The following ZNF804B variants were observed in gnomAD, a reference collection of about 807,000 sequenced individuals.
The protein encoded by ZNF804B is zinc finger 804B.
ZNF804B carries 80 observed loss-of-function variants against 101.4 expected under a neutral mutation model. That is an observed-to-expected ratio of 0.79 (90% CI 0.66 to 0.95). The LOEUF is 0.95. Among genes scored for constraint, ZNF804B ranks in the 40% least tolerant of loss-of-function variants. The probability of loss-of-function intolerance (pLI) is 0.00; values close to 1 mark genes in which losing one functional copy is unlikely to be tolerated. For synonymous variants in ZNF804B, 622 were observed against 558.8 expected, an observed-to-expected ratio of 1.11 and a Z score of -1.59; for missense variants, 1,673 against 1,561.9, an observed-to-expected ratio of 1.07 and a Z score of -1.20.
At chr7:89,029,338 A>G (rs1276879578) in intron 1 of ZNF804B, among the ~76,000 whole-genome samples, 3 of 152,154 alleles carry the variant, frequency 2.0e-5, no homozygotes, top group Non-Finnish European at 4.4e-5. Context: ...TCCTGACCTC[A>G]AATGATCCAC....
chr7:88,931,908 A>G (rs1262297986), intron 1 of ZNF804B, among the ~76,000 whole-genome samples: 1 of 151,876 alleles, frequency 6.6e-6, no homozygotes, highest in Non-Finnish European at 1.5e-5. Context: ...ATTTAATGCT[A>G]GTACTATTGG....
At chr7:89,306,543 G>A (rs998884671) in intron 2 of ZNF804B, among the ~76,000 whole-genome samples, 1 of 151,944 alleles carries the variant, frequency 6.6e-6, no homozygotes, top group African/African-American at 2.4e-5. Context: ...AATTATGTGA[G>A]TCTGGCCTTG....
chr7:89,031,755 T>G (rs1788839468), intron 1 of ZNF804B, among the ~76,000 whole-genome samples: 1 of 151,958 alleles, frequency 6.6e-6, no homozygotes, highest in Non-Finnish European at 1.5e-5. Flanking sequence ...TTGTCTATAC[T>G]GAGACACTCT....
intron 1 of ZNF804B, among the ~76,000 whole-genome samples, chr7:89,040,138 C>G (rs1788993681): frequency 6.6e-6 from 1 of 151,888 alleles, no homozygotes; most frequent in Admixed American, 6.6e-5. Flanking sequence ...TTAATGATAT[C>G]TCATAAATCC....
chr7:88,776,201 G>A (rs1426559101), intron 1 of ZNF804B, among the ~76,000 whole-genome samples: 1 of 152,202 alleles, frequency 6.6e-6, no homozygotes, highest in Admixed American at 6.5e-5. Flanking sequence ...GAAAGGAGCT[G>A]ATGATTACTT....
At chr7:88,810,095 T>G (rs1790760978) in intron 1 of ZNF804B, among the ~76,000 whole-genome samples, 1 of 152,176 alleles carries the variant, frequency 6.6e-6, no homozygotes, top group African/African-American at 2.4e-5. Context: ...CAATGTTCCG[T>G]GATGCTCCTC....
At chr7:88,873,567 T>G (rs1455324054) in intron 1 of ZNF804B, among the ~76,000 whole-genome samples, 1 of 152,216 alleles carries the variant, frequency 6.6e-6, no homozygotes, top group African/African-American at 2.4e-5. Flanking sequence ...TGAATGGTAA[T>G]GCCTAGGTTT....
At chr7:88,823,726 T>C (rs1483165423) in intron 1 of ZNF804B, among the ~76,000 whole-genome samples, 1 of 152,054 alleles carries the variant, frequency 6.6e-6, no homozygotes, top group African/African-American at 2.4e-5. Flanking sequence ...AAGGACAGCT[T>C]CTACTATTGG....
At chr7:88,890,136 T>TA (rs1792194140) in intron 1 of ZNF804B, among the ~76,000 whole-genome samples, 1 of 152,160 alleles carries the variant, frequency 6.6e-6, no homozygotes, top group Admixed American at 6.6e-5. Context: ...AGACAGTAGA[T>TA]ATCTATAATT....
intron 1 of ZNF804B, among the ~76,000 whole-genome samples, chr7:88,859,617 T>G (rs573970471): frequency 2.0e-5 from 3 of 152,140 alleles, no homozygotes; most frequent in South Asian, 4.1e-4. Context: ...TCTGACAACT[T>G]AAATCTAACA....
intron 1 of ZNF804B, among the ~76,000 whole-genome samples, chr7:89,036,869 G>A (rs965051063): frequency 6.6e-6 from 1 of 152,054 alleles, no homozygotes; most frequent in African/African-American, 2.4e-5. Context: ...GGTAAGGTCT[G>A]TATGCTTAAA....
At chr7:89,020,554 T>C (rs1788650878) in intron 1 of ZNF804B, among the ~76,000 whole-genome samples, 1 of 152,170 alleles carries the variant, frequency 6.6e-6, no homozygotes, top group Non-Finnish European at 1.5e-5. Context: ...TCTGTTTGGC[T>C]TAAATCTATT....
intron 1 of ZNF804B, among the ~76,000 whole-genome samples, chr7:88,785,635 G>C (rs571883664): frequency 1.2e-3 from 178 of 152,154 alleles, no homozygotes; most frequent in African/African-American, 4.2e-3. Context: ...CCCATACCTT[G>C]CTATCCAGCC....
chr7:89,173,616 AT>A (rs753772345), intron 1 of ZNF804B, among the ~76,000 whole-genome samples: 1 of 152,072 alleles, frequency 6.6e-6, no homozygotes, highest in Non-Finnish European at 1.5e-5. Context: ...TGAATAAAAT[AT>A]TGTCACAGGC....
rs765322586 is a variant in ZNF804B at position 88,965,895 on chromosome 7, GACAA to G, written c.108+205816_108+205819del. 1.3e-3 allele frequency among the ~76,000 whole-genome samples: 203 copies of G among 151,488 alleles called. No individual in the cohort carries two copies. In the Middle Eastern group the frequency reaches 0.014, roughly 10 times the overall value. On this transcript the variant is annotated intron_variant, in intron 1 of 3. Transcript: ENST00000333190. Reference sequence around the variant, plus strand: ...CTTTAAAAAGTGCATAATCCTGAATGACAAACAACTATGAAGTAGTAAATACGGG... The same window carrying G: ...CTTTAAAAAGTGCATAATCCTGAATGACAACTATGAAGTAGTAAATACGGG...
intron 1 of ZNF804B, among the ~76,000 whole-genome samples, chr7:89,017,835 A>G (rs1237753860): frequency 6.6e-6 from 1 of 152,042 alleles, no homozygotes; most frequent in Admixed American, 6.6e-5. Flanking sequence ...TTGTGTATAG[A>G]AATTATGTTG....
chr7:89,222,936 T>G (rs572068190), intron 2 of ZNF804B, among the ~76,000 whole-genome samples: 170 of 152,076 alleles, frequency 1.1e-3, no homozygotes, highest in African/African-American at 3.9e-3. Flanking sequence ...ATACTTCCAT[T>G]TAAAGATTTA....
intron 1 of ZNF804B, among the ~76,000 whole-genome samples, chr7:89,153,510 T>G (rs1454659376): frequency 2.0e-5 from 3 of 151,652 alleles, no homozygotes; most frequent in Non-Finnish European, 4.4e-5. Context: ...CTTTTGTACC[T>G]TACCCAAGAG....
chr7:89,036,133 T>G (rs1015294774), intron 1 of ZNF804B, among the ~76,000 whole-genome samples: 1 of 150,248 alleles, frequency 6.7e-6, no homozygotes, highest in Non-Finnish European at 1.5e-5. Context: ...TTAATTCCCT[T>G]GAAATAAAAC....
Sources: gnomAD v4.1 joint callset for allele counts (sites outside exome capture counted in the v4.1 genomes callset) on GRCh38, gnomAD v4.1.1 for gene constraint, MANE v1.5 for transcripts, NCBI Gene and HGNC (gene_info 2026-07-23, HGNC 2026-07-21) for gene names.